EPB41L2: variants seen among roughly 807,000 people sequenced by gnomAD.
EPB41L2 encodes erythrocyte membrane protein band 4.1 like 2, also known as band 4.1-like protein 2.
A neutral mutation model predicts 113.0 loss-of-function variants in EPB41L2; 43 were observed. The observed-to-expected ratio is 0.38, with a 90% CI of 0.30 to 0.49. The LOEUF (loss-of-function observed/expected upper bound fraction) is 0.49, where lower values mean the gene tolerates loss of function less well. Among genes scored for constraint, EPB41L2 ranks in the 20% least tolerant of loss-of-function variants. The pLI, the probability that EPB41L2 is intolerant of heterozygous loss-of-function variation, is 0.95. For synonymous variants in EPB41L2, 442 were observed against 436.7 expected, an observed-to-expected ratio of 1.01 and a Z score of -0.15; for missense variants, 1,147 against 1,223.4, an observed-to-expected ratio of 0.94 and a Z score of 0.93.
intron 1 of EPB41L2, among the ~76,000 whole-genome samples, chr6:130,961,724 C>T (rs1773600237): frequency 6.6e-6 from 1 of 152,200 alleles, no homozygotes; most frequent in African/African-American, 2.4e-5. Context: ...GTAGGTGCTG[C>T]TGCCAGCTGA....
At chr6:131,049,653 G>A (rs1796151553) in intron 1 of EPB41L2, among the ~76,000 whole-genome samples, 1 of 152,176 alleles carries the variant, frequency 6.6e-6, no homozygotes, top group South Asian at 2.1e-4. Flanking sequence ...TATAACCACT[G>A]CCACATTTGC....
chr6:131,060,936 G>A (rs1798530531), intron 1 of EPB41L2, among the ~76,000 whole-genome samples: 1 of 152,044 alleles, frequency 6.6e-6, no homozygotes, highest in African/African-American at 2.4e-5. Context: ...ACAAAAGTTA[G>A]GAAAAATTTT....
intron 1 of EPB41L2, among the ~76,000 whole-genome samples, chr6:131,049,329 C>G (rs2128194448): frequency 6.6e-6 from 1 of 152,314 alleles, no homozygotes; most frequent in Middle Eastern, 3.4e-3. Context: ...GTTACAAGTT[C>G]ATGGATAAAT....
At position 131,020,781 on chromosome 6, in the gene EPB41L2, G is replaced by A. The variant is rs569321520; in HGVS notation, c.-15+42374C>T. Among the ~76,000 whole-genome samples the A allele has an allele frequency of 6.6e-5, 10 of 151,552 alleles. No homozygotes were observed. In the East Asian group the frequency reaches 1.6e-3, roughly 24 times the overall value. ...CTTCAGCACTCATTGTGCCAGTAATGCTCTTGGAACAATTTTTTGTTGTTA... is the reference window on the plus strand; with the variant it reads ...CTTCAGCACTCATTGTGCCAGTAATACTCTTGGAACAATTTTTTGTTGTTA... On this transcript the variant is annotated intron_variant, in intron 1 of 19. Transcript: ENST00000337057.
chr6:130,841,504 A>G (rs1775493231), intron 19 of EPB41L2, among the ~76,000 whole-genome samples: 1 of 152,202 alleles, frequency 6.6e-6, no homozygotes, highest in African/African-American at 2.4e-5. Context: ...CAAGGAGTAG[A>G]GGCAGGAACA....
At chr6:130,881,595 G>A (rs1191471562) in intron 12 of EPB41L2, 1 of 151,980 alleles carries the variant, frequency 6.6e-6, no homozygotes, top group African/African-American at 2.4e-5. Context: ...AAATCACCAG[G>A]CCACATTTAA....
At chr6:130,972,178 G>T (rs1327370643) in intron 1 of EPB41L2, among the ~76,000 whole-genome samples, 2 of 151,976 alleles carry the variant, frequency 1.3e-5, no homozygotes, top group Non-Finnish European at 2.9e-5. Flanking sequence ...ACAAAAATTG[G>T]CAGGGTGTCG....
chr6:130,917,653 G>A (rs573225571), intron 4 of EPB41L2, among the ~76,000 whole-genome samples: 1 of 152,062 alleles, frequency 6.6e-6, no homozygotes, highest in East Asian at 1.9e-4. Flanking sequence ...AATCTCTCTT[G>A]CCTACTGCAA....
chr6:130,918,844 T>C (rs546246619), intron 4 of EPB41L2, among the ~76,000 whole-genome samples: 6 of 152,306 alleles, frequency 3.9e-5, no homozygotes, highest in African/African-American at 1.4e-4. Context: ...TTATATTCTG[T>C]TGTTAAAACT....
chr6:131,062,597 G>A (rs1478094270), intron 1 of EPB41L2: 4 of 151,392 alleles, frequency 2.6e-5, no homozygotes, highest in African/African-American at 9.7e-5. Flanking sequence ...CGCCGCCCTC[G>A]CCCGGCTTCC....
chr6:130,844,413 C>CA (rs796192790), intron 19 of EPB41L2, among the ~76,000 whole-genome samples: 16 of 149,766 alleles, frequency 1.1e-4, no homozygotes, highest in Admixed American at 4.6e-4. Context: ...ACTAAAAATA[C>CA]AAAAAAAAAT....
In EPB41L2 at chr6:130,876,978, AC is replaced by A. The variant is rs1787778445; in HGVS notation, c.2043+1125del. 3.3e-5 allele frequency among the ~76,000 whole-genome samples: 5 copies of A among 152,304 alleles called. No individual in the cohort carries two copies. The South Asian group carries it at 1.0e-3, about 32-fold the overall frequency. On this transcript the variant is annotated intron_variant, in intron 14 of 19. Transcript: ENST00000337057. ...ATTCTGGAATAGACTGCTGAAATTG[AC>A]ATTTTTTATCATCTTCAGAAAAATC... is the stretch of plus-strand genomic sequence containing the variant.
intron 6 of EPB41L2, among the ~76,000 whole-genome samples, chr6:130,901,892 A>G (rs556969629): frequency 6.6e-6 from 1 of 152,392 alleles, no homozygotes; most frequent in Non-Finnish European, 1.5e-5. Context: ...TTAAGAATCA[A>G]TAACTAGTAG....
At chr6:130,896,531 C>T (rs1005443710) in intron 8 of EPB41L2, among the ~76,000 whole-genome samples, 4 of 152,174 alleles carry the variant, frequency 2.6e-5, no homozygotes, top group African/African-American at 9.7e-5. Flanking sequence ...TTGAATGAGC[C>T]ATCTCTAGTC....
intron 16 of EPB41L2, 102 bp downstream of exon 16, chr6:130,867,357 C>T (rs1784105216): frequency 1.4e-6 from 2 of 1,465,750 alleles, no homozygotes; most frequent in Non-Finnish European, 1.8e-6. Flanking sequence ...CAAAAAGCTA[C>T]ATCAAAGCCA....
intron 10 of EPB41L2, among the ~76,000 whole-genome samples, chr6:130,892,952 CCA>C (rs1309302954): frequency 6.6e-6 from 1 of 151,932 alleles, no homozygotes; most frequent in African/African-American, 2.4e-5. Flanking sequence ...GACCATAAGT[CCA>C]GAGCAAAAAC....
At chr6:130,864,743 C>G (rs1044097819) in intron 17 of EPB41L2, among the ~76,000 whole-genome samples, 1 of 151,910 alleles carries the variant, frequency 6.6e-6, no homozygotes, top group Non-Finnish European at 1.5e-5. Flanking sequence ...CAGTACCTTG[C>G]ATTTATGCGG....
chr6:130,932,018 TG>T (rs1191606797), intron 3 of EPB41L2, among the ~76,000 whole-genome samples: 1 of 152,184 alleles, frequency 6.6e-6, no homozygotes, highest in Non-Finnish European at 1.5e-5. Flanking sequence ...ATGTTTAAAG[TG>T]ATCAATAAAA....
chr6:130,944,948 C>A (rs1400864276), intron 3 of EPB41L2, among the ~76,000 whole-genome samples: 4 of 152,170 alleles, frequency 2.6e-5, no homozygotes, highest in South Asian at 2.1e-4. Context: ...AGTCTTTTCC[C>A]ATTTAGTAAA....
Sources: allele counts gnomAD v4.1 joint callset (sites outside exome capture counted in the v4.1 genomes callset), GRCh38; gene constraint gnomAD v4.1.1; transcripts MANE v1.5; gene names NCBI Gene and HGNC (gene_info 2026-07-23, HGNC 2026-07-21).